Variants in DCLK1 observed in about 807,000 individuals in gnomAD.
DCLK1 encodes the protein serine/threonine-protein kinase DCLK1.
DCLK1 carries 16 observed loss-of-function variants against 86.2 expected under a neutral mutation model. That is an observed-to-expected ratio of 0.19 (90% CI 0.13 to 0.28). The LOEUF is 0.28. DCLK1 is among the 10% of genes least tolerant of loss of function. The probability of loss-of-function intolerance (pLI) is 1.00; values close to 1 mark genes in which losing one functional copy is unlikely to be tolerated. For missense variants in DCLK1, 590 were observed against 940.2 expected (o/e 0.63, Z 4.87); for synonymous variants, 369 against 370.5 (o/e 1.00, Z 0.05).
chr13:35,918,878 T>C (rs1320843174), intron 4 of DCLK1, among the ~76,000 whole-genome samples: 1 of 149,928 alleles, frequency 6.7e-6, no homozygotes, highest in Non-Finnish European at 1.5e-5. Context: ...AAAAGAAATC[T>C]TCCTTCTGAG....
In DCLK1 at chr13:35,847,664, C is replaced by T. The variant is rs183019277; in HGVS notation, c.1035+6835G>A. 2.8e-5 allele frequency: 17 copies of T among 611,008 alleles called. No individual in the cohort carries two copies. The East Asian group carries it at 1.1e-3, about 39-fold the overall frequency. 37.8% of individuals were successfully genotyped at this position (611,008 alleles called of 1,614,324 possible). The stretch of plus-strand genomic sequence containing the variant: ...GAAAGAAAGAAAGAAAGAAAAAGAG[C>T]CCAATCATGTATAGATCTTCAGGGC... On this transcript the variant is annotated intron_variant, in intron 6 of 16. Coordinates refer to ENST00000360631, the MANE Select transcript of DCLK1 (RefSeq NM_001330071.2).
At chr13:35,813,261 G>A (rs2087189345) in intron 11 of DCLK1, among the ~76,000 whole-genome samples, 1 of 152,164 alleles carries the variant, frequency 6.6e-6, no homozygotes, top group South Asian at 2.1e-4. Flanking sequence ...AGGTGATGCA[G>A]ATTGTAATTT....
intron 5 of DCLK1, among the ~76,000 whole-genome samples, chr13:35,857,023 G>A (rs1871101963): frequency 6.6e-6 from 1 of 152,102 alleles, no homozygotes; most frequent in South Asian, 2.1e-4. Context: ...TAACCTACAG[G>A]TAAACCAGAG....
chr13:35,970,334 T>G (rs1266219635), intron 3 of DCLK1, among the ~76,000 whole-genome samples: 6 of 152,218 alleles, frequency 3.9e-5, no homozygotes, highest in African/African-American at 1.2e-4. Flanking sequence ...GATATTAGCA[T>G]TTTTTGAATG....
chr13:35,954,940 T>C (rs541281682), intron 3 of DCLK1, among the ~76,000 whole-genome samples: 12 of 152,226 alleles, frequency 7.9e-5, no homozygotes, highest in Admixed American at 7.9e-4. Flanking sequence ...GGAAAAGTTC[T>C]CCTTTGAAAT....
intron 4 of DCLK1, among the ~76,000 whole-genome samples, chr13:35,887,878 C>CAA (rs760195385): frequency 0.049 from 1,916 of 38,758 alleles, 419 homozygotes; most frequent in Middle Eastern, 0.13. Context: ...GATCTTGTCT[C>CAA]AAAAAAAAAA....
chr13:35,988,846 C>A (rs7999672), intron 3 of DCLK1, among the ~76,000 whole-genome samples: 54,961 of 151,966 alleles, frequency 0.36, 11,077 homozygotes, highest in Admixed American at 0.44. Flanking sequence ...TATTCATTTG[C>A]AGTAAGGAAA....
At chr13:35,843,022 T>C (rs1869914521) in intron 6 of DCLK1, among the ~76,000 whole-genome samples, 1 of 152,220 alleles carries the variant, frequency 6.6e-6, no homozygotes. Flanking sequence ...GTGCTTGCTC[T>C]TTAGAATTAA....
chr13:35,779,848 A>T (rs75501770), intron 16 of DCLK1, among the ~76,000 whole-genome samples: 6 of 152,132 alleles, frequency 3.9e-5, no homozygotes, highest in African/African-American at 1.4e-4. Flanking sequence ...ATCTTTTCCA[A>T]TTGAATTCTG....
At chr13:35,990,276 T>A (rs1319960190) in intron 3 of DCLK1, among the ~76,000 whole-genome samples, 3 of 152,228 alleles carry the variant, frequency 2.0e-5, no homozygotes, top group Non-Finnish European at 4.4e-5. Flanking sequence ...TAAGTCATAA[T>A]TTTTAATACT....
At chr13:35,828,975 A>ACCTTGAC (rs1201766528) in intron 8 of DCLK1, among the ~76,000 whole-genome samples, 1 of 152,148 alleles carries the variant, frequency 6.6e-6, no homozygotes, top group African/African-American at 2.4e-5. Flanking sequence ...TGATATGGTC[A>ACCTTGAC]AGGTGTAAAG....
Position 36,084,932 on chromosome 13 carries a change from A to C in DCLK1, c.723+26937T>G, listed in dbSNP as rs9602122. On this transcript the variant is annotated intron_variant, in intron 3 of 16. Transcript: ENST00000360631. ...TTATATAAATCAAGATGAGACTTTG[A>C]AAACAAAAGTACTCCATAAATATGT... Among the ~76,000 whole-genome samples the C allele has an allele frequency of 3.2e-3, 491 of 152,328 alleles. 3 individuals carry two copies. Among genetic ancestry groups the C allele is most frequent in the African/African-American group, 0.011 (464 of 41,574 alleles).
intron 4 of DCLK1, among the ~76,000 whole-genome samples, chr13:35,928,492 C>T (rs1285678024): frequency 6.6e-6 from 1 of 152,180 alleles, no homozygotes; most frequent in Non-Finnish European, 1.5e-5. Context: ...CCTGCAGCCT[C>T]CCCACACCAC....
intron 4 of DCLK1, among the ~76,000 whole-genome samples, chr13:35,946,546 GC>G (rs34220772): frequency 0.3 from 45,687 of 151,932 alleles, 8,478 homozygotes; most frequent in Admixed American, 0.42. Context: ...TTGTTTTTCT[GC>G]ATTCATCTAA....
chr13:35,992,844 G>T (rs1450180101), intron 3 of DCLK1, among the ~76,000 whole-genome samples: 1 of 151,958 alleles, frequency 6.6e-6, no homozygotes, highest in Admixed American at 6.6e-5. Context: ...TGTGTGACCT[G>T]GTCATTCATT....
chr13:36,057,260 C>T (rs1174500847), intron 3 of DCLK1, among the ~76,000 whole-genome samples: 1 of 152,070 alleles, frequency 6.6e-6, no homozygotes, highest in Non-Finnish European at 1.5e-5. Context: ...CAACACCAGT[C>T]GTCCCACCCC....
intron 3 of DCLK1, among the ~76,000 whole-genome samples, chr13:35,961,438 G>C (rs1878456007): frequency 6.6e-6 from 1 of 152,170 alleles, no homozygotes; most frequent in African/African-American, 2.4e-5. Flanking sequence ...TGGTCTAACA[G>C]CTGTTAGATT....
chr13:35,945,031 G>A (rs1162096278), intron 4 of DCLK1, among the ~76,000 whole-genome samples: 2 of 152,078 alleles, frequency 1.3e-5, no homozygotes, highest in Non-Finnish European at 2.9e-5. Flanking sequence ...CTCCTGAGTA[G>A]CTGGGATTAC....
At chr13:35,876,421 T>C (rs117129124) in intron 4 of DCLK1, among the ~76,000 whole-genome samples, 14 of 152,178 alleles carry the variant, frequency 9.2e-5, no homozygotes, top group Non-Finnish European at 1.8e-4. Context: ...AGCTGAAGAA[T>C]ATTGCAGTGC....
Sources: allele counts gnomAD v4.1 joint callset (sites outside exome capture counted in the v4.1 genomes callset), GRCh38; gene constraint gnomAD v4.1.1; transcripts MANE v1.5; gene names NCBI Gene and HGNC (gene_info 2026-07-23, HGNC 2026-07-21).